Variants in SPATS2L observed in about 807,000 individuals in gnomAD.
SPATS2L encodes spermatogenesis associated serine rich 2 like.
In SPATS2L, 30 loss-of-function variants were observed where a neutral mutation model predicts 59.6. That is an observed-to-expected ratio of 0.50 (90% CI 0.38 to 0.68). The LOEUF is 0.68. SPATS2L is among the 30% of genes least tolerant of loss of function. SPATS2L has a pLI of 0.00. For synonymous variants in SPATS2L, 252 were observed against 263.5 expected (o/e 0.96, Z 0.42); for missense variants, 615 against 700.0 (o/e 0.88, Z 1.37).
intron 6 of SPATS2L, among the ~76,000 whole-genome samples, chr2:200,435,701 A>C (rs971656055): frequency 1.3e-5 from 2 of 152,216 alleles, no homozygotes; most frequent in African/African-American, 4.8e-5. Flanking sequence ...TCACTAAAAC[A>C]AATACCCTTT....
intron 3 of SPATS2L, among the ~76,000 whole-genome samples, chr2:200,396,013 A>C (rs868635568): frequency 5.4e-4 from 11 of 20,556 alleles, no homozygotes; most frequent in Non-Finnish European, 1.2e-3. Context: ...TCGATCTGGA[A>C]AAAAAAAAAA....
At chr2:200,467,420 G>A in intron 10 of SPATS2L, 21 bp downstream of exon 10, 1 of 1,543,384 alleles carries the variant, frequency 6.5e-7, no homozygotes, top group Non-Finnish European at 9.0e-7. Flanking sequence ...AAATATCACA[G>A]CCTGAACCCT....
intron 3 of SPATS2L, among the ~76,000 whole-genome samples, chr2:200,396,109 C>A (rs2082345549): frequency 9.9e-6 from 1 of 100,504 alleles, no homozygotes; most frequent in Non-Finnish European, 2.0e-5. Context: ...GTAAAAAGAC[C>A]AAATGAGAAA....
chr2:200,467,811 G>A (rs13430758), intron 10 of SPATS2L, among the ~76,000 whole-genome samples: 3,115 of 152,144 alleles, frequency 0.02, 88 homozygotes, highest in African/African-American at 0.07. Flanking sequence ...GAAAGCATGC[G>A]GTCTGTGGAG....
upstream of SPATS2L, chr2:200,306,347 TAAC>T (rs2079010024): frequency 1.0e-6 from 1 of 1,002,114 alleles, no homozygotes; most frequent in Non-Finnish European, 1.2e-6. Flanking sequence ...AATCTTTCAT[TAAC>T]AAGGGGAGTT....
At position 200,416,450 on chromosome 2, in the gene SPATS2L, A is replaced by T. The variant is rs367843337; in HGVS notation, c.198+22A>T. 3.7e-5 allele frequency: 48 copies of T among 1,287,556 alleles called. No homozygotes were observed. The African/African-American group carries it at 4.7e-4, about 13-fold the overall frequency. The allele number at this position is 1,287,556 out of a possible 1,614,324, so 79.8% of individuals were successfully genotyped here. A position where few individuals can be genotyped will look rare whatever the true frequency, so the allele number is the denominator to read the frequency against. On this transcript the variant is annotated intron_variant, in intron 5 of 12. Coordinates refer to ENST00000409140, the MANE Select transcript of SPATS2L (RefSeq NM_001100423.2). ...GAAGGTAAGATTAATATTGATTGTA[A>T]ATTGGTAACATCTTCAATCAAAACC...
chr2:200,429,052 C>T (rs1446715355), intron 6 of SPATS2L, among the ~76,000 whole-genome samples: 1 of 152,168 alleles, frequency 6.6e-6, no homozygotes, highest in Non-Finnish European at 1.5e-5. Flanking sequence ...AGAAGACTTA[C>T]CCTGTCCTGC....
chr2:200,326,477 G>GA (rs1224047865), intron 1 of SPATS2L, among the ~76,000 whole-genome samples: 2 of 152,276 alleles, frequency 1.3e-5, no homozygotes, highest in African/African-American at 4.8e-5. Context: ...CTAGGCTTAA[G>GA]AAAGCTATTT....
chr2:200,458,420 A>G (rs555799797), intron 8 of SPATS2L, among the ~76,000 whole-genome samples: 2 of 152,302 alleles, frequency 1.3e-5, no homozygotes, highest in Middle Eastern at 6.8e-3. Context: ...CAGCACACAC[A>G]TAATGACACA....
At chr2:200,456,937 C>T (rs1426271718) in intron 8 of SPATS2L, among the ~76,000 whole-genome samples, 2 of 152,136 alleles carry the variant, frequency 1.3e-5, no homozygotes, top group African/African-American at 4.8e-5. Context: ...ACTATTTCCC[C>T]AATGAGTCCT....
At chr2:200,474,206 G>A (rs1031598209) in intron 12 of SPATS2L, among the ~76,000 whole-genome samples, 8 of 151,490 alleles carry the variant, frequency 5.3e-5, no homozygotes, top group Admixed American at 4.6e-4. Flanking sequence ...GATATTGACA[G>A]GTGTTTTCTC....
intron 5 of SPATS2L, among the ~76,000 whole-genome samples, chr2:200,417,642 T>C (rs2106005040): frequency 6.6e-6 from 1 of 152,298 alleles, no homozygotes; most frequent in Non-Finnish European, 1.5e-5. Flanking sequence ...AGCCAGAAGC[T>C]GCTGTGGGTG....
intron 2 of SPATS2L, among the ~76,000 whole-genome samples, chr2:200,349,278 C>T (rs1236160961): frequency 6.6e-6 from 1 of 151,994 alleles, no homozygotes; most frequent in East Asian, 1.9e-4. Flanking sequence ...CATAAGCCTC[C>T]AGTTTACAAA....
chr2:200,355,429 A>G (rs540268546), intron 2 of SPATS2L, among the ~76,000 whole-genome samples: 1 of 152,258 alleles, frequency 6.6e-6, no homozygotes, highest in Non-Finnish European at 1.5e-5. Context: ...GAGACAGATA[A>G]GGAGGACAAG....
At chr2:200,319,923 A>T (rs1232099701) in intron 1 of SPATS2L, among the ~76,000 whole-genome samples, 1 of 152,208 alleles carries the variant, frequency 6.6e-6, no homozygotes, top group East Asian at 1.9e-4. Flanking sequence ...CTTTATCAAG[A>T]CAGCTTTGAA....
chr2:200,402,066 G>A (rs2082545842), intron 3 of SPATS2L, among the ~76,000 whole-genome samples: 1 of 152,132 alleles, frequency 6.6e-6, no homozygotes, highest in South Asian at 2.1e-4. Flanking sequence ...CTAGTTAAAT[G>A]CAAATCAATT....
chr2:200,398,492 C>G (rs148983617), intron 3 of SPATS2L, among the ~76,000 whole-genome samples: 9 of 152,298 alleles, frequency 5.9e-5, no homozygotes, highest in African/African-American at 2.2e-4. Flanking sequence ...TTCTCAACTT[C>G]TAGGGTGAAC....
intron 3 of SPATS2L, among the ~76,000 whole-genome samples, chr2:200,396,033 A>AATATATATATATATAT (rs1553520465): frequency 4.7e-5 from 1 of 21,136 alleles, no homozygotes; most frequent in African/African-American, 1.5e-4. Flanking sequence ...AAAAAAAAAA[A>AATATATATATATATAT]ATATATATAT....
At chr2:200,312,316 C>T (rs996255810) in intron 1 of SPATS2L, among the ~76,000 whole-genome samples, 5 of 152,198 alleles carry the variant, frequency 3.3e-5, no homozygotes, top group African/African-American at 1.2e-4. Flanking sequence ...AGCCAGCCAT[C>T]TGTGGGACAC....
Sources: gnomAD v4.1 joint callset for allele counts (sites outside exome capture counted in the v4.1 genomes callset) on GRCh38, gnomAD v4.1.1 for gene constraint, MANE v1.5 for transcripts, NCBI Gene and HGNC (gene_info 2026-07-23, HGNC 2026-07-21) for gene names.